DLG2: variants seen among roughly 807,000 people sequenced by gnomAD.
The protein encoded by DLG2 is discs large MAGUK scaffold protein 2.
Under a neutral mutation model 132.5 loss-of-function variants are expected in DLG2, and 45 were observed. The ratio of observed to expected loss-of-function variants is 0.34; its 90% CI spans 0.27 to 0.44. The LOEUF (loss-of-function observed/expected upper bound fraction) is 0.44, where lower values mean the gene tolerates loss of function less well. DLG2 is among the 20% of genes least tolerant of loss of function. The pLI, the probability that DLG2 is intolerant of heterozygous loss-of-function variation, is 1.00. For missense variants in DLG2, 1,045 were observed against 1,196.9 expected (o/e 0.87, Z 1.87); for synonymous variants, 424 against 419.6 (o/e 1.01, Z -0.13).
At chr11:84,842,201 C>T (rs998917742) in intron 6 of DLG2, among the ~76,000 whole-genome samples, 8 of 152,000 alleles carry the variant, frequency 5.3e-5, no homozygotes, top group Non-Finnish European at 1.0e-4. Context: ...AATAAAGACA[C>T]TAACCAGGTT....
intron 17 of DLG2, among the ~76,000 whole-genome samples, chr11:83,818,403 T>C (rs534683387): frequency 2.0e-4 from 30 of 152,208 alleles, no homozygotes; most frequent in Non-Finnish European, 3.2e-4. Context: ...TCAGAATACC[T>C]GGTGAGGTTT....
chr11:84,363,210 T>G (rs2098661001), intron 7 of DLG2, among the ~76,000 whole-genome samples: 1 of 152,174 alleles, frequency 6.6e-6, no homozygotes, highest in Non-Finnish European at 1.5e-5. Context: ...TTCTAACTGG[T>G]GTGATATGAT....
chr11:83,657,153 C>A (rs992468791), intron 18 of DLG2, among the ~76,000 whole-genome samples: 1 of 152,204 alleles, frequency 6.6e-6, no homozygotes, highest in Non-Finnish European at 1.5e-5. Context: ...TAATTTCCTG[C>A]TGCTACAACT....
intron 7 of DLG2, among the ~76,000 whole-genome samples, chr11:84,358,794 CTAAT>C (rs1483444084): frequency 3.9e-5 from 6 of 151,914 alleles, no homozygotes; most frequent in African/African-American, 1.4e-4. Flanking sequence ...TGTATAATAA[CTAAT>C]TAAATCCAAC....
chr11:85,605,955 G>A (rs1239681923), intron 2 of DLG2, among the ~76,000 whole-genome samples: 2 of 152,204 alleles, frequency 1.3e-5, no homozygotes, highest in Non-Finnish European at 2.9e-5. Flanking sequence ...TCCAGCATGG[G>A]TGACAGACAG....
chr11:85,486,739 C>T (rs2093437802), intron 3 of DLG2, among the ~76,000 whole-genome samples: 1 of 152,054 alleles, frequency 6.6e-6, no homozygotes, highest in Non-Finnish European at 1.5e-5. Context: ...CTACTGCCAT[C>T]ACCCTTATCA....
intron 6 of DLG2, among the ~76,000 whole-genome samples, chr11:84,984,782 G>A (rs932859276): frequency 1.3e-5 from 2 of 152,128 alleles, no homozygotes; most frequent in Non-Finnish European, 2.9e-5. Flanking sequence ...AAGGTAAAGG[G>A]ATGGAAAAAG....
At chr11:83,590,455 A>T (rs1268388137) in intron 19 of DLG2, among the ~76,000 whole-genome samples, 1 of 152,204 alleles carries the variant, frequency 6.6e-6, no homozygotes, top group Non-Finnish European at 1.5e-5. Flanking sequence ...GAACAAAGAC[A>T]CAGCATACCA....
intron 6 of DLG2, among the ~76,000 whole-genome samples, chr11:84,908,193 A>G (rs973419266): frequency 2.6e-5 from 4 of 152,214 alleles, no homozygotes; most frequent in Admixed American, 1.3e-4. Flanking sequence ...TAGTAGCCAC[A>G]TTGAAAAAAG....
At chr11:83,602,161 CT>C (rs1214008415) in intron 19 of DLG2, among the ~76,000 whole-genome samples, 5 of 152,228 alleles carry the variant, frequency 3.3e-5, no homozygotes, top group Admixed American at 2.0e-4. Flanking sequence ...GCGAGTCTTT[CT>C]GCTTTCTGAT....
chr11:85,142,169 T>C (rs1409921714), intron 5 of DLG2, among the ~76,000 whole-genome samples: 3 of 151,920 alleles, frequency 2.0e-5, no homozygotes, highest in Non-Finnish European at 4.4e-5. Flanking sequence ...TTTAACAATA[T>C]TGATTTCTCC....
chr11:85,497,151 T>C (rs749044363), intron 3 of DLG2, among the ~76,000 whole-genome samples: 9 of 152,068 alleles, frequency 5.9e-5, no homozygotes, highest in Non-Finnish European at 1.3e-4. Flanking sequence ...AAGCATGTTC[T>C]AACCCGTCGC....
Position 84,934,529 on chromosome 11 carries a change from T to TG in DLG2, c.357+177131_357+177132insC, listed in dbSNP as rs1367097434. Reference sequence around the variant, plus strand: ...GTTTTTTTTTTGTTTTGTTTTGTTTTTTTTTTTTTTTTTTTTTGGTGGGTA... The same window carrying TG: ...GTTTTTTTTTTGTTTTGTTTTGTTTTGTTTTTTTTTTTTTTTTTGGTGGGTA... On this transcript the variant is annotated intron_variant, in intron 6 of 27. Transcript: ENST00000376104. Among the ~76,000 whole-genome samples, 6 of 130,262 alleles carry TG rather than the reference T, an allele frequency of 4.6e-5. No individual in the cohort carries two copies. In the South Asian group the frequency reaches 7.7e-4, roughly 17 times the overall value. The allele number at this position is 130,262 out of a possible 152,430, so 85.5% of individuals were successfully genotyped here.
At chr11:83,917,166 C>T (rs2077047749) in intron 15 of DLG2, among the ~76,000 whole-genome samples, 1 of 152,190 alleles carries the variant, frequency 6.6e-6, no homozygotes, top group East Asian at 1.9e-4. Context: ...TTGCCAACCA[C>T]TGACATTTGC....
chr11:85,494,294 G>A (rs1313568819), intron 3 of DLG2, among the ~76,000 whole-genome samples: 1 of 152,040 alleles, frequency 6.6e-6, no homozygotes, highest in Non-Finnish European at 1.5e-5. Context: ...AATTACCCAT[G>A]CTCCAAACAA....
intron 5 of DLG2, among the ~76,000 whole-genome samples, chr11:85,120,286 C>A (rs1224507951): frequency 6.6e-6 from 1 of 152,010 alleles, no homozygotes; most frequent in Non-Finnish European, 1.5e-5. Flanking sequence ...CCATGGCCAA[C>A]ATCAAGCAAT....
At chr11:84,705,580 A>C (rs968844216) in intron 6 of DLG2, among the ~76,000 whole-genome samples, 9 of 151,782 alleles carry the variant, frequency 5.9e-5, no homozygotes. Flanking sequence ...AATATAGGTT[A>C]CTATGGGAAT....
At chr11:85,523,924 A>G in intron 3 of DLG2, among the ~76,000 whole-genome samples, 1 of 152,196 alleles carries the variant, frequency 6.6e-6, no homozygotes. Context: ...AGATCATGTC[A>G]TTTGCACCAA....
chr11:84,282,365 G>C (rs1419415648), intron 7 of DLG2, among the ~76,000 whole-genome samples: 1 of 152,120 alleles, frequency 6.6e-6, no homozygotes, highest in Non-Finnish European at 1.5e-5. Context: ...AGGTAGAGCA[G>C]GTAGGATAAG....
Sources: allele counts gnomAD v4.1 joint callset (sites outside exome capture counted in the v4.1 genomes callset), GRCh38; gene constraint gnomAD v4.1.1; transcripts MANE v1.5; gene names NCBI Gene and HGNC (gene_info 2026-07-23, HGNC 2026-07-21).